CDK3: variants seen among roughly 807,000 people sequenced by gnomAD.
CDK3 encodes cyclin dependent kinase 3.
A neutral mutation model predicts 30.2 loss-of-function variants in CDK3; 24 were observed. That is an observed-to-expected ratio of 0.79 (90% CI 0.57 to 1.12). The LOEUF (loss-of-function observed/expected upper bound fraction) is 1.12, where lower values mean the gene tolerates loss of function less well. Ranked by LOEUF, CDK3 falls within the 50% of genes most tolerant of loss-of-function variation. The pLI, the probability that CDK3 is intolerant of heterozygous loss-of-function variation, is 0.00. For missense variants in CDK3, 345 were observed against 376.0 expected, an observed-to-expected ratio of 0.92 and a Z score of 0.68; for synonymous variants, 158 against 154.2, an observed-to-expected ratio of 1.02 and a Z score of -0.18.
At chr17:76,003,970 A>T (rs2066285346) in intron 7 of CDK3, among the ~76,000 whole-genome samples, 2 of 151,518 alleles carry the variant, frequency 1.3e-5, no homozygotes, top group African/African-American at 4.8e-5. Flanking sequence ...ACTGGTCTTG[A>T]ACTCCTCAGG....
In CDK3 at chr17:76,002,763, C is replaced by A; in HGVS notation, c.588+151C>A. 1 of 606,724 alleles carries A rather than the reference C, an allele frequency of 1.6e-6. No individual in the cohort carries two copies. The highest frequency in any genetic ancestry group is 3.0e-6 in the Non-Finnish European group (1 of 337,556). 37.6% of individuals were successfully genotyped at this position (606,724 alleles called of 1,614,324 possible). A position where few individuals can be genotyped will look rare whatever the true frequency, so the allele number is the denominator to read the frequency against. ...CCCGTAATCCCAGCACTTTGGGAGG[C>A]TGAGATGGGAGGATGGCTTGAGCCC... On this transcript the variant is annotated intron_variant, in intron 6 of 7. Coordinates refer to ENST00000448471, the MANE Select transcript of CDK3 (RefSeq NM_001258.4). This position sits in a 1 kb window ranked among gnomAD's most constrained non-coding sequence, Gnocchi z 4.3.
chr17:76,001,197 C>G lies in CDK3; in HGVS notation c.-14-215C>G. 7.2e-7 allele frequency: 1 copy of G among 1,389,910 alleles called. No homozygotes were observed. Among genetic ancestry groups the G allele is most frequent in the Non-Finnish European group, 9.3e-7 (1 of 1,070,990 alleles). 86.1% of individuals were successfully genotyped at this position (1,389,910 alleles called of 1,614,324 possible). ...TGGGTGAAGGGGGCCCCCTGACCCC[C>G]TTGGGGTCCGGGCTGGGCTGGGTGA... On this transcript the variant is annotated intron_variant, in intron 1 of 7. Coordinates refer to ENST00000448471, the MANE Select transcript of CDK3 (RefSeq NM_001258.4). This position sits in a 1 kb window ranked among gnomAD's most constrained non-coding sequence, Gnocchi z 6.2.
At position 76,002,219 on chromosome 17, in the gene CDK3, C is replaced by G. The variant is rs375401067; in HGVS notation, c.316-29C>G. 1.9e-6 allele frequency: 3 copies of G among 1,612,564 alleles called. No individual in the cohort carries two copies. The highest frequency in any genetic ancestry group is 2.7e-5 in the African/African-American group (2 of 75,004). On this transcript the variant is annotated intron_variant, in intron 4 of 7. Transcript: ENST00000448471. This position sits in a 1 kb window ranked among gnomAD's most constrained non-coding sequence, Gnocchi z 4.3. The stretch of plus-strand genomic sequence containing the variant: ...CTGTCCACGCAGCACCTCCGCTCAG[C>G]TGGCTGCACCTCGCGCTCGTTTCTC...
At position 76,002,157 on chromosome 17, in the gene CDK3, G is replaced by A. The variant is rs1291658271; in HGVS notation, c.315+15G>A. ...ACCTCATCAAGGTAGGGAAGGAAGG[G>A]CAGGGAAGGAGAGGTGACACCCCAT... On this transcript the variant is annotated intron_variant, in intron 4 of 7. Transcript: ENST00000448471. The surrounding 1 kb of genome is among the most constrained non-coding windows in gnomAD (Gnocchi z 4.3). The A allele has an allele frequency of 3.4e-5, 55 of 1,613,588 alleles. No homozygotes were observed. The highest frequency in any genetic ancestry group is 4.2e-5 in the Non-Finnish European group (50 of 1,179,866).
chr17:76,004,662 A>G (rs1477320928), intron 7 of CDK3: 1 of 152,570 alleles, frequency 6.6e-6, no homozygotes, highest in Non-Finnish European at 1.5e-5. Flanking sequence ...TCCACTGTCC[A>G]TTCTTGCCCA....
In CDK3 at chr17:76,003,409, G is replaced by A. The variant is rs894778348; in HGVS notation, c.792+11G>A. ...AGGGACCTGCTCATGGTAGGTGCATGTGGGCTCCAGCTGCTGCTCCGACTA... is the reference window on the plus strand; with the variant it reads ...AGGGACCTGCTCATGGTAGGTGCATATGGGCTCCAGCTGCTGCTCCGACTA... On this transcript the variant is annotated intron_variant, in intron 7 of 7. Coordinates refer to ENST00000448471, the MANE Select transcript of CDK3 (RefSeq NM_001258.4). 5.0e-6 allele frequency: 8 copies of A among 1,607,510 alleles called. No individual in the cohort carries two copies. In the Admixed American group the frequency reaches 8.3e-5, roughly 17 times the overall value.
rs1312091420 is a variant in CDK3 at position 76,003,917 on chromosome 17, A to AT, written c.792+530dup. Among the ~76,000 whole-genome samples the AT allele has an allele frequency of 8.9e-4, 129 of 144,566 alleles. 1 individual carries two copies. Among genetic ancestry groups the AT allele is most frequent in the African/African-American group, 1.1e-3 (44 of 39,520 alleles). The allele number at this position is 144,566 out of a possible 152,430, so 94.8% of individuals were successfully genotyped here. ...GCCACCACGCCCAGCTAATTTTTGT[A>AT]TTTTTTTTTTTAGTAGAGACAGGGT... is the stretch of plus-strand genomic sequence containing the variant. On this transcript the variant is annotated intron_variant, in intron 7 of 7. Transcript: ENST00000448471.
chr17:76,004,522 AT>A (rs1418036800), intron 7 of CDK3: 1 of 151,044 alleles, frequency 6.6e-6, no homozygotes, highest in African/African-American at 2.4e-5. Flanking sequence ...TGCCCAGCTA[AT>A]TTTATTTTTG....
rs750569283 is a variant in CDK3, at chr17:76,001,559, C to G, written c.116+18C>G. The G allele has an allele frequency of 6.3e-7, 1 of 1,598,964 alleles. No homozygotes were observed. The highest frequency in any genetic ancestry group is 8.6e-7 in the Non-Finnish European group (1 of 1,167,520). On this transcript the variant is annotated intron_variant, in intron 2 of 7. Coordinates refer to ENST00000448471, the MANE Select transcript of CDK3 (RefSeq NM_001258.4). This position sits in a 1 kb window ranked among gnomAD's most constrained non-coding sequence, Gnocchi z 6.2. Reference sequence around the variant, plus strand: ...CTGGATTTGTGAGTGCTGGGACGGCCCCTGAGTTACCCACCCTGGGCCATC... The same window carrying G: ...CTGGATTTGTGAGTGCTGGGACGGCGCCTGAGTTACCCACCCTGGGCCATC...
In CDK3 at chr17:76,001,197, C is replaced by T. The variant is rs1598220425; in HGVS notation, c.-14-215C>T. ...TGGGTGAAGGGGGCCCCCTGACCCC[C>T]TTGGGGTCCGGGCTGGGCTGGGTGA... is the stretch of plus-strand genomic sequence containing the variant. On this transcript the variant is annotated intron_variant, in intron 1 of 7. Transcript: ENST00000448471. The surrounding 1 kb of genome is among the most constrained non-coding windows in gnomAD (Gnocchi z 6.2). 7.2e-7 allele frequency: 1 copy of T among 1,389,910 alleles called. No homozygotes were observed. Among genetic ancestry groups the T allele is most frequent in the Non-Finnish European group, 9.3e-7 (1 of 1,070,990 alleles). 86.1% of individuals were successfully genotyped at this position (1,389,910 alleles called of 1,614,324 possible).
chr17:76,003,286 G>A lies in CDK3; in HGVS notation c.680G>A (p.Trp227Ter), dbSNP rs758857524. ...RMLGTPSEDT[W>*]PGVTQLPDYK... ...CTGGGGACACCCAGCGAAGACACAT[G>A]GCCCGGGGTCACCCAGCTGCCTGAC... is the stretch of plus-strand genomic sequence containing the variant. The change falls in exon 7 of 8, where the codon TGG becomes TAG. Residue 227 changes from tryptophan to a stop codon, truncating the protein, a stop_gained. Coordinates refer to ENST00000448471, the MANE Select transcript of CDK3 (RefSeq NM_001258.4). LOFTEE classifies it high-confidence loss of function. The A allele has an allele frequency of 6.2e-7, 1 of 1,614,108 alleles. No homozygotes were observed. Among genetic ancestry groups the A allele is most frequent in the Admixed American group, 1.7e-5 (1 of 60,020 alleles).
At position 76,002,607 on chromosome 17, in the gene CDK3, G is replaced by A. The variant is rs775227568; in HGVS notation, c.583G>A (p.Glu195Lys). 1 of 823,244 alleles carries A rather than the reference G, an allele frequency of 1.2e-6. No individual in the cohort carries two copies. The highest frequency in any genetic ancestry group is 2.4e-5 in the East Asian group (1 of 41,444). 51.0% of individuals were successfully genotyped at this position (823,244 alleles called of 1,614,324 possible). The stretch of plus-strand genomic sequence containing the variant: ...CTGGAGCATTGGTTGCATCTTTGCA[G>A]AGATGGTAGAGAGAGGGGCACACAT... ...DIWSIGCIFA[E>K]MVTRKALFPG... Residue 195 changes from glutamate (E) to lysine (K), a missense_variant, in exon 6 of 8, where the codon GAG becomes AAG. By Grantham distance (56) the Glu-to-Lys change is moderately conservative. Coordinates refer to ENST00000448471, the MANE Select transcript of CDK3 (RefSeq NM_001258.4). The surrounding 1 kb of genome is among the most constrained non-coding windows in gnomAD (Gnocchi z 4.3).
Position 76,001,976 on chromosome 17 carries a change from A to G in CDK3, c.194+25A>G, listed in dbSNP as rs777412070. 1.9e-6 allele frequency: 3 copies of G among 1,613,866 alleles called. No homozygotes were observed. Among genetic ancestry groups the G allele is most frequent in the Non-Finnish European group, 2.5e-6 (3 of 1,179,828 alleles). ...GGTGAGTTGGGGATTGAGGTGGGGA[A>G]GCTGGGATGGCGAAGGTAGCATCCT... On this transcript the variant is annotated intron_variant, in intron 3 of 7. Transcript: ENST00000448471. This position sits in a 1 kb window ranked among gnomAD's most constrained non-coding sequence, Gnocchi z 6.2.
At chr17:76,004,137 C>G (rs2066287234) in intron 7 of CDK3, among the ~76,000 whole-genome samples, 2 of 152,110 alleles carry the variant, frequency 1.3e-5, no homozygotes, top group African/African-American at 4.8e-5. Flanking sequence ...GGGCCCATGC[C>G]ACAGTTCTCA....
intron 7 of CDK3, among the ~76,000 whole-genome samples, chr17:76,004,236 T>TTTTTTTTTTA (rs1598223869): frequency 1.3e-4 from 19 of 148,594 alleles, no homozygotes; most frequent in South Asian, 2.2e-4. Flanking sequence ...TTTTTTTTTT[T>TTTTTTTTTTA]GAGACAGGGT....
intron 7 of CDK3, among the ~76,000 whole-genome samples, chr17:76,003,925 T>G (rs934555872): frequency 6.6e-6 from 1 of 152,034 alleles, no homozygotes; most frequent in African/African-American, 2.4e-5. Flanking sequence ...GTATTTTTTT[T>G]TTTAGTAGAG....
intron 7 of CDK3, among the ~76,000 whole-genome samples, chr17:76,003,658 G>A (rs1053359523): frequency 1.3e-5 from 2 of 152,192 alleles, no homozygotes; most frequent in South Asian, 2.1e-4. Context: ...TTCCCTAGTT[G>A]TCTTGTGTGT....
chr17:76,005,668 C>T lies in CDK3; in HGVS notation c.*245C>T. 2.3e-6 allele frequency: 1 copy of T among 430,414 alleles called. No homozygotes were observed. The highest frequency in any genetic ancestry group is 4.1e-6 in the Non-Finnish European group (1 of 243,250). 26.7% of individuals were successfully genotyped at this position (430,414 alleles called of 1,614,324 possible). ...GCTCCATGCACGAGGGGTCCCCGGG[C>T]ACTGGAACAAGTGCCAAGTTGAAGG... is the stretch of plus-strand genomic sequence containing the variant. On this transcript the variant is annotated 3_prime_UTR_variant, in exon 8 of 8. Coordinates refer to ENST00000448471, the MANE Select transcript of CDK3 (RefSeq NM_001258.4). This position sits in a 1 kb window ranked among gnomAD's most constrained non-coding sequence, Gnocchi z 4.7.
intron 6 of CDK3, 61 bp from the exon 7 acceptor site, chr17:76,003,134 G>A: frequency 7.2e-7 from 1 of 1,393,716 alleles, no homozygotes; most frequent in Non-Finnish European, 1.0e-6. Flanking sequence ...CCACTTATCT[G>A]GTATTGGATT....
Sources: allele counts gnomAD v4.1 joint callset (sites outside exome capture counted in the v4.1 genomes callset), GRCh38; gene constraint gnomAD v4.1.1; non-coding constraint Gnocchi (gnomAD v3.1); transcripts MANE v1.5; gene names NCBI Gene and HGNC (gene_info 2026-07-23, HGNC 2026-07-21).